The following GRIP1 variants were observed in gnomAD, a reference collection of about 807,000 sequenced individuals.
GRIP1 encodes glutamate receptor-interacting protein 1.
A neutral mutation model predicts 129.9 loss-of-function variants in GRIP1; 45 were observed. The ratio of observed to expected loss-of-function variants is 0.35; its 90% confidence interval spans 0.27 to 0.44. The LOEUF (loss-of-function observed/expected upper bound fraction) is 0.44. Ranked by LOEUF, GRIP1 falls within the 20% of genes least tolerant of loss-of-function variation. The pLI is 1.00. For missense variants in GRIP1, 1,196 were observed against 1,396.8 expected (o/e 0.86, Z 2.29); for synonymous variants, 530 against 520.8 (o/e 1.02, Z -0.24).
intron 15 of GRIP1, 131 bp downstream of exon 15, chr12:66,420,589 A>C (rs1175660697): frequency 4.3e-6 from 3 of 705,584 alleles, no homozygotes; most frequent in Non-Finnish European, 7.8e-6. Context: ...ATGATCAATT[A>C]ATAGTGGCTG....
chr12:66,723,310 T>TC lies in GRIP1; in HGVS notation c.-420+80742_-420+80743insG, dbSNP rs1565988183. ...TTTCTTTCTTTCTTTCTTTCTTTTT[T>TC]TTTTTTTTTTTTTTTTTTTTGAGAC... On this transcript the variant is annotated intron_variant, in intron 1 of 4. Transcript: ENST00000538373. 3.1e-3 allele frequency among the ~76,000 whole-genome samples: 128 copies of TC among 41,596 alleles called. 9 individuals carry two copies. The highest frequency in any genetic ancestry group is 0.012 in the African/African-American group (119 of 10,246). The allele number at this position is 41,596 out of a possible 152,430, so 27.3% of individuals were successfully genotyped here.
chr12:66,515,689 T>C lies in GRIP1; in HGVS notation c.654A>G (p.Glu218=). 6.2e-7 allele frequency: 1 copy of C among 1,613,056 alleles called. No individual in the cohort carries two copies. Among genetic ancestry groups the C allele is most frequent in the Non-Finnish European group, 8.5e-7 (1 of 1,179,038 alleles). Residue 218 remains glutamate, a synonymous_variant, in exon 7 of 25, where the codon GAA becomes GAG. Coordinates refer to ENST00000359742, the MANE Select transcript of GRIP1 (RefSeq NM_001366722.1). ...GIRLLGTTHA[E]AMSILKQCGQ... is the part of the protein sequence containing the mutation. Reference sequence around the variant, plus strand: ...CACATTGTTTAAGAATACTCATGGCTTCAGCATGCGTAGTTCCAAGAAGCC... The same window carrying C: ...CACATTGTTTAAGAATACTCATGGCCTCAGCATGCGTAGTTCCAAGAAGCC...
chr12:66,371,604 A>G, intron 23 of GRIP1, 90 bp downstream of exon 23: 1 of 838,178 alleles, frequency 1.2e-6, no homozygotes, highest in Non-Finnish European at 2.1e-6. Flanking sequence ...CCATAGGAGG[A>G]TACCATTGCC....
At chr12:66,780,900 T>C (rs993069970) in intron 1 of GRIP1, among the ~76,000 whole-genome samples, 7 of 152,192 alleles carry the variant, frequency 4.6e-5, no homozygotes, top group Non-Finnish European at 2.9e-5. Flanking sequence ...AATACCTGCA[T>C]GTGCTAGAAT....
chr12:66,605,190 T>A (rs905576634), intron 1 of GRIP1, among the ~76,000 whole-genome samples: 6 of 152,186 alleles, frequency 3.9e-5, no homozygotes, highest in African/African-American at 1.4e-4. Context: ...AGACTGAAAG[T>A]GATTTTTAAA....
chr12:66,450,969 C>T (rs1406239068), intron 11 of GRIP1, among the ~76,000 whole-genome samples: 1 of 152,156 alleles, frequency 6.6e-6, no homozygotes, highest in Non-Finnish European at 1.5e-5. Context: ...TGAATTGTCT[C>T]TCTAGTAGCA....
intron 1 of GRIP1, among the ~76,000 whole-genome samples, chr12:66,725,259 C>T (rs117910366): frequency 0.064 from 9,695 of 152,040 alleles, 376 homozygotes; most frequent in East Asian, 0.11. Flanking sequence ...GTCATGATCA[C>T]GCCACTGCAC....
In GRIP1 at chr12:66,716,938, C is replaced by T. The variant is rs573669828; in HGVS notation, c.-419-86602G>A. On this transcript the variant is annotated intron_variant, in intron 1 of 4. Coordinates refer to the GRIP1 transcript ENST00000538373. Reference sequence around the variant, plus strand: ...TATTTAAGTGGTCTCCACTCTTCATCCTTCTCATAACCAAACACAGCCCAG... The same window carrying T: ...TATTTAAGTGGTCTCCACTCTTCATTCTTCTCATAACCAAACACAGCCCAG... Among the ~76,000 whole-genome samples the T allele has an allele frequency of 2.0e-5, 3 of 152,172 alleles. No homozygotes were observed. The East Asian group carries it at 5.8e-4, about 29-fold the overall frequency.
chr12:66,413,129 T>C (rs2057460820), intron 15 of GRIP1, among the ~76,000 whole-genome samples: 1 of 152,026 alleles, frequency 6.6e-6, no homozygotes, highest in Non-Finnish European at 1.5e-5. Context: ...TCTACAGAAC[T>C]CTCCACCCCA....
intron 1 of GRIP1, among the ~76,000 whole-genome samples, chr12:66,749,709 G>A (rs149896752): frequency 5.9e-5 from 9 of 152,116 alleles, no homozygotes; most frequent in South Asian, 2.1e-4. Context: ...TGCATCTTCC[G>A]GATGACCCCC....
intron 1 of GRIP1, among the ~76,000 whole-genome samples, chr12:66,628,929 G>A (rs1459611429): frequency 2.0e-5 from 3 of 152,076 alleles, no homozygotes; most frequent in African/African-American, 7.2e-5. Context: ...AAAAGGGCAG[G>A]GACTAAGTCT....
chr12:66,436,964 ACT>A (rs1484272423), intron 13 of GRIP1, among the ~76,000 whole-genome samples: 4 of 121,668 alleles, frequency 3.3e-5, no homozygotes, highest in Non-Finnish European at 5.1e-5. Context: ...ACAGAGCAAG[ACT>A]CTGTCTCCAA....
chr12:66,618,908 G>T (rs1271800676), intron 1 of GRIP1, among the ~76,000 whole-genome samples: 1 of 152,034 alleles, frequency 6.6e-6, no homozygotes, highest in Non-Finnish European at 1.5e-5. Flanking sequence ...GATAAATAAA[G>T]AATATATTTA....
intron 5 of GRIP1, among the ~76,000 whole-genome samples, chr12:66,524,987 T>A (rs539041798): frequency 6.6e-6 from 1 of 152,080 alleles, no homozygotes; most frequent in Non-Finnish European, 1.5e-5. Context: ...CAGGAAGAAG[T>A]TGAATCTCTG....
At chr12:66,504,174 C>T (rs1285576590) in intron 7 of GRIP1, among the ~76,000 whole-genome samples, 1 of 152,134 alleles carries the variant, frequency 6.6e-6, no homozygotes, top group Non-Finnish European at 1.5e-5. Flanking sequence ...TGTCGAATTA[C>T]TAAGAGTAAC....
At chr12:66,918,825 A>G (rs572117780) in intron 1 of GRIP1, among the ~76,000 whole-genome samples, 1 of 152,350 alleles carries the variant, frequency 6.6e-6, no homozygotes, top group East Asian at 1.9e-4. Flanking sequence ...CTCCAAGAAT[A>G]TCATTAATTC....
intron 16 of GRIP1, among the ~76,000 whole-genome samples, chr12:66,402,289 T>G (rs887763415): frequency 6.6e-6 from 1 of 152,216 alleles, no homozygotes; most frequent in South Asian, 2.1e-4. Flanking sequence ...TTGTTTCTCC[T>G]ATTTGGTGGT....
At chr12:66,606,242 T>C (rs1193276530) in intron 1 of GRIP1, among the ~76,000 whole-genome samples, 1 of 152,174 alleles carries the variant, frequency 6.6e-6, no homozygotes, top group East Asian at 1.9e-4. Flanking sequence ...TCAGAACTTA[T>C]CAGAGTGCAA....
chr12:67,001,896 GACA>G (rs2042555952), intron 1 of GRIP1, among the ~76,000 whole-genome samples: 1 of 152,020 alleles, frequency 6.6e-6, no homozygotes, highest in Non-Finnish European at 1.5e-5. Context: ...TATCACACCT[GACA>G]GGTCCCAACC....
Sources: gnomAD v4.1 joint callset for allele counts (sites outside exome capture counted in the v4.1 genomes callset) on GRCh38, gnomAD v4.1.1 for gene constraint, MANE v1.5 for transcripts, NCBI Gene and HGNC (gene_info 2026-07-23, HGNC 2026-07-21) for gene names.